The following ADGRB3 variants were observed in gnomAD, a reference collection of about 807,000 sequenced individuals.
ADGRB3 encodes brain-specific angiogenesis inhibitor 3.
In ADGRB3, 37 loss-of-function variants were observed where a neutral mutation model predicts 193.4. That is an observed-to-expected ratio of 0.19 (90% CI 0.15 to 0.25). ADGRB3 has a LOEUF of 0.25. Among genes scored for constraint, ADGRB3 ranks in the 10% least tolerant of loss-of-function variants. ADGRB3 has a pLI of 1.00. For synonymous variants in ADGRB3, 690 were observed against 644.2 expected (o/e 1.07, Z -1.08); for missense variants, 1,637 against 1,852.9 (o/e 0.88, Z 2.14).
At chr6:69,182,878 T>C (rs571784727) in intron 17 of ADGRB3, among the ~76,000 whole-genome samples, 61 of 152,178 alleles carry the variant, frequency 4.0e-4, no homozygotes, top group African/African-American at 1.4e-3. Flanking sequence ...ATATGCACAG[T>C]TGATTCTTGT....
chr6:69,110,290 A>G (rs559814029), intron 17 of ADGRB3, among the ~76,000 whole-genome samples: 33 of 152,246 alleles, frequency 2.2e-4, no homozygotes, highest in African/African-American at 7.7e-4. Context: ...TTTTAACTCT[A>G]TAGTGTCCAT....
At chr6:69,093,956 G>A (rs1392165469) in intron 17 of ADGRB3, among the ~76,000 whole-genome samples, 1 of 152,184 alleles carries the variant, frequency 6.6e-6, no homozygotes, top group Non-Finnish European at 1.5e-5. Flanking sequence ...AGGAATTATT[G>A]TTTTTAAAAA....
At chr6:69,311,017 G>T (rs1037236295) in intron 20 of ADGRB3, among the ~76,000 whole-genome samples, 1 of 151,664 alleles carries the variant, frequency 6.6e-6, no homozygotes, top group Non-Finnish European at 1.5e-5. Context: ...AACTAACCTG[G>T]TAGGGTTCCA....
intron 3 of ADGRB3, among the ~76,000 whole-genome samples, chr6:68,768,340 G>A (rs1045691167): frequency 6.6e-6 from 1 of 152,048 alleles, no homozygotes; most frequent in Non-Finnish European, 1.5e-5. Flanking sequence ...TACCAAAACA[G>A]ATATCTAGAC....
At chr6:69,082,055 G>A (rs376532008) in intron 17 of ADGRB3, among the ~76,000 whole-genome samples, 1 of 151,990 alleles carries the variant, frequency 6.6e-6, no homozygotes, top group East Asian at 1.9e-4. Flanking sequence ...AATTTTATCA[G>A]ACACAGTCAT....
chr6:68,963,886 C>A (rs1768305163), intron 8 of ADGRB3, among the ~76,000 whole-genome samples: 1 of 152,226 alleles, frequency 6.6e-6, no homozygotes, highest in Non-Finnish European at 1.5e-5. Flanking sequence ...CAGCTTATTG[C>A]AGATGAACTA....
At chr6:68,997,029 A>T (rs534564119) in intron 11 of ADGRB3, among the ~76,000 whole-genome samples, 1 of 152,338 alleles carries the variant, frequency 6.6e-6, no homozygotes, top group African/African-American at 2.4e-5. Flanking sequence ...ATTCTTTTAA[A>T]TGTAGTTATG....
chr6:69,116,741 A>G (rs181146059), intron 17 of ADGRB3, among the ~76,000 whole-genome samples: 21 of 152,344 alleles, frequency 1.4e-4, no homozygotes, highest in African/African-American at 4.8e-4. Context: ...GATTTTCGGA[A>G]TAAAACTTTT....
chr6:68,681,849 C>G (rs185616923), intron 3 of ADGRB3, among the ~76,000 whole-genome samples: 17 of 152,264 alleles, frequency 1.1e-4, no homozygotes, highest in Non-Finnish European at 1.9e-4. Flanking sequence ...TATTTTTAAA[C>G]TTAACCTAGG....
intron 3 of ADGRB3, among the ~76,000 whole-genome samples, chr6:68,733,955 A>G (rs1021359065): frequency 6.6e-6 from 1 of 151,944 alleles, no homozygotes; most frequent in Non-Finnish European, 1.5e-5. Context: ...GCCTGTATCA[A>G]AACATCTCAT....
At chr6:68,929,339 T>C (rs754135403) in intron 3 of ADGRB3, among the ~76,000 whole-genome samples, 9 of 152,194 alleles carry the variant, frequency 5.9e-5, no homozygotes, top group Non-Finnish European at 1.2e-4. Flanking sequence ...GTAGATTATC[T>C]GTAAAAAATT....
chr6:68,854,963 C>T (rs753554043), intron 3 of ADGRB3, among the ~76,000 whole-genome samples: 2 of 152,010 alleles, frequency 1.3e-5, no homozygotes, highest in Non-Finnish European at 2.9e-5. Flanking sequence ...AAAAACCCAT[C>T]CCTGCACCTG....
At chr6:69,084,096 T>A (rs1772478957) in intron 17 of ADGRB3, among the ~76,000 whole-genome samples, 1 of 152,050 alleles carries the variant, frequency 6.6e-6, no homozygotes, top group Non-Finnish European at 1.5e-5. Flanking sequence ...TTACTTTTGG[T>A]CATTGAGTTC....
chr6:69,293,825 G>C (rs1357503474), intron 20 of ADGRB3, among the ~76,000 whole-genome samples: 2 of 152,130 alleles, frequency 1.3e-5, no homozygotes, highest in Non-Finnish European at 2.9e-5. Context: ...AGTCTGGAAG[G>C]GGGTGGGGGG....
intron 12 of ADGRB3, among the ~76,000 whole-genome samples, 176 bp downstream of exon 12, chr6:69,014,282 ATT>A (rs2150285391): frequency 6.6e-6 from 1 of 152,176 alleles, no homozygotes; most frequent in South Asian, 2.1e-4. Context: ...TGGAAGGAAT[ATT>A]TATACATGTG....
chr6:69,357,194 A>G (rs893583335), intron 28 of ADGRB3, among the ~76,000 whole-genome samples: 11 of 152,016 alleles, frequency 7.2e-5, no homozygotes, highest in African/African-American at 2.7e-4. Flanking sequence ...TTCACCCAGC[A>G]TTTATCACAG....
At position 69,388,698 on chromosome 6, in the gene ADGRB3, A is replaced by G. The variant is rs181529733; in HGVS notation, c.4381-5A>G. 9.6e-5 allele frequency: 154 copies of G among 1,611,100 alleles called. No homozygotes were observed. The African/African-American group carries it at 1.7e-3, about 18-fold the overall frequency. On this transcript the variant is annotated splice_polypyrimidine_tract_variant and splice_region_variant and intron_variant, in intron 31 of 31. Coordinates refer to ENST00000370598, the MANE Select transcript of ADGRB3 (RefSeq NM_001704.3). ...AATGACTCTCTTTCCCTCTCTTCTC[A>G]ACAGGAAAACCCCGCACCAAACAAG...
At position 69,151,895 on chromosome 6, in the gene ADGRB3, C is replaced by T. The variant is rs1297310030; in HGVS notation, c.2480+75857C>T. ...ATTTAATCCTGGGGGTGGTTATTCT[C>T]ATGCTGTTCTTGTGATAGTGAGTTC... On this transcript the variant is annotated intron_variant, in intron 17 of 31. Transcript: ENST00000370598. Among the ~76,000 whole-genome samples, 7 of 152,140 alleles carry T rather than the reference C, an allele frequency of 4.6e-5. No individual in the cohort carries two copies. The East Asian group carries it at 1.3e-3, about 29-fold the overall frequency.
chr6:69,159,618 G>A (rs1774932742), intron 17 of ADGRB3, among the ~76,000 whole-genome samples: 1 of 152,052 alleles, frequency 6.6e-6, no homozygotes, highest in South Asian at 2.1e-4. Flanking sequence ...AAGTGAAGGA[G>A]TGAGAAAGCT....
Sources: allele counts gnomAD v4.1 joint callset (sites outside exome capture counted in the v4.1 genomes callset), GRCh38; gene constraint gnomAD v4.1.1; transcripts MANE v1.5; gene names NCBI Gene and HGNC (gene_info 2026-07-23, HGNC 2026-07-21).